Variants in PPT1 observed in about 807,000 individuals in gnomAD.
PPT1 encodes the protein palmitoyl-protein thioesterase 1, also known as ceroid-palmitoyl-palmitoyl-protein thioesterase 1.
A neutral mutation model predicts 44.0 loss-of-function variants in PPT1; 24 were observed. The observed-to-expected ratio is 0.54, with a 90% CI of 0.39 to 0.77. The LOEUF is 0.77. Among genes scored for constraint, PPT1 ranks in the 30% least tolerant of loss-of-function variants. The pLI is 0.00. For synonymous variants in PPT1, 148 were observed against 140.2 expected (o/e 1.06, Z -0.39); for missense variants, 341 against 378.8 (o/e 0.90, Z 0.83).
rs538271276 is a variant in PPT1, at chr1:40,092,813, C to T, written c.125-306G>A. ...GCATGTGAAATGCAAACCAAAACCA[C>T]GATGAGATACCATTTCACACAGACT... On this transcript the variant is annotated intron_variant, in intron 1 of 8. Transcript: ENST00000642050. 2.2e-4 allele frequency among the ~76,000 whole-genome samples: 27 copies of T among 125,208 alleles called. No homozygotes were observed. In the South Asian group the frequency reaches 4.5e-3, roughly 21 times the overall value. 82.1% of individuals were successfully genotyped at this position (125,208 alleles called of 152,430 possible). A position where few individuals can be genotyped will look rare whatever the true frequency, so the allele number is the denominator to read the frequency against.
intron 8 of PPT1, among the ~76,000 whole-genome samples, chr1:40,074,446 CCTCTCT>C (rs552038903): frequency 9.0e-6 from 1 of 111,280 alleles, no homozygotes; most frequent in African/African-American, 3.6e-5. Context: ...TCTTCTTCTT[CCTCTCT>C]CTCTCTCTGT....
rs1343334003 is a variant in PPT1, at chr1:40,091,319, G to A, written c.433+10C>T. 6.2e-7 allele frequency: 1 copy of A among 1,612,348 alleles called. No homozygotes were observed. Among genetic ancestry groups the A allele is most frequent in the Non-Finnish European group, 8.5e-7 (1 of 1,178,556 alleles). ...AATACAGAAAAAAGAAAGCAAAGAG[G>A]CAAAGTTACCTTGATGTTGTCCCCC... On this transcript the variant is annotated intron_variant, in intron 4 of 8. Transcript: ENST00000642050.
chr1:40,095,339 C>T (rs998721285), intron 1 of PPT1, among the ~76,000 whole-genome samples: 5 of 152,156 alleles, frequency 3.3e-5, no homozygotes, highest in Non-Finnish European at 7.3e-5. Flanking sequence ...GCTTAGTCCT[C>T]TGTGTACGCT....
rs1225903133 is a variant in PPT1 at position 40,097,095 on chromosome 1, T to C, written c.124+20A>G. The C allele has an allele frequency of 6.2e-7, 1 of 1,613,864 alleles. No individual in the cohort carries two copies. Among genetic ancestry groups the C allele is most frequent in the South Asian group, 1.1e-5 (1 of 91,084 alleles). On this transcript the variant is annotated intron_variant, in intron 1 of 8. Coordinates refer to ENST00000642050, the MANE Select transcript of PPT1 (RefSeq NM_000310.4). ...AAGAGAGAGAATCGCCAAACCCTTT[T>C]AAATTTCTCACTCACTCACCCATCC...
chr1:40,071,885 T>A (rs970677497), downstream of PPT1: 1 of 438,688 alleles, frequency 2.3e-6, no homozygotes. Flanking sequence ...TCCCTGGAAT[T>A]AACAGATCAG....
intron 1 of PPT1, among the ~76,000 whole-genome samples, chr1:40,094,740 G>A (rs1649756094): frequency 6.6e-6 from 1 of 152,156 alleles, no homozygotes; most frequent in South Asian, 2.1e-4. Flanking sequence ...GAAAGCTTAA[G>A]CACCAATTTT....
Position 40,092,339 on chromosome 1 carries a change from A to G in PPT1, c.234+59T>C. ...AAAACACAAGGCAAAGCATTTTAAC[A>G]GTATATGCTATGAAATCAGTCAGCA... On this transcript the variant is annotated intron_variant, in intron 2 of 8. Coordinates refer to ENST00000642050, the MANE Select transcript of PPT1 (RefSeq NM_000310.4). 3.9e-6 allele frequency: 6 copies of G among 1,521,252 alleles called. No homozygotes were observed. The East Asian group carries it at 1.1e-4, about 29-fold the overall frequency. The allele number at this position is 1,521,252 out of a possible 1,614,324, so 94.2% of individuals were successfully genotyped here.
chr1:40,078,267 G>A (rs1027160418), intron 7 of PPT1, among the ~76,000 whole-genome samples: 8 of 152,164 alleles, frequency 5.3e-5, no homozygotes, highest in African/African-American at 1.7e-4. Context: ...GCACGATCTT[G>A]GCTCACTGCA....
rs1649443994 is a variant in PPT1 at position 40,089,525 on chromosome 1, A to AT, written c.434-14dup. The stretch of plus-strand genomic sequence containing the variant: ...AGTCCAAAAACACCTACAGTGGTAG[A>AT]TGACAAATATCCACTCCTTCAATAA... On this transcript the variant is annotated splice_polypyrimidine_tract_variant and intron_variant, in intron 4 of 8. Coordinates refer to ENST00000642050, the MANE Select transcript of PPT1 (RefSeq NM_000310.4). 3.2e-6 allele frequency: 5 copies of AT among 1,573,444 alleles called. No homozygotes were observed. The highest frequency in any genetic ancestry group is 4.4e-6 in the Non-Finnish European group (5 of 1,142,938).
chr1:40,071,743 G>A (rs1648080575), downstream of PPT1: 3 of 559,258 alleles, frequency 5.4e-6, no homozygotes, highest in East Asian at 8.6e-5. Context: ...GGAAGGTGCA[G>A]CTTTTCCATA....
In PPT1 at chr1:40,092,305, C is replaced by T. The variant is rs1649609763; in HGVS notation, c.234+93G>A. Reference sequence around the variant, plus strand: ...AAGGGTGAAAGTATCACTGTATGATCTGCTGCTGAAAACACAAGGCAAAGC... The same window carrying T: ...AAGGGTGAAAGTATCACTGTATGATTTGCTGCTGAAAACACAAGGCAAAGC... On this transcript the variant is annotated intron_variant, in intron 2 of 8. Transcript: ENST00000642050. 3.3e-6 allele frequency: 5 copies of T among 1,528,284 alleles called. No homozygotes were observed. The Admixed American group carries it at 5.0e-5, about 15-fold the overall frequency. The allele number at this position is 1,528,284 out of a possible 1,614,324, so 94.7% of individuals were successfully genotyped here.
intron 6 of PPT1, chr1:40,078,885 AGT>A (rs1252978226): frequency 2.0e-6 from 1 of 507,862 alleles, no homozygotes; most frequent in Non-Finnish European, 3.8e-6. Context: ...GTACATGTGT[AGT>A]TTTGTTATAA....
rs11345893 is a variant in PPT1 at position 40,093,883 on chromosome 1, C to CAAAAAAA, written c.125-1383_125-1377dup. 1.8e-5 allele frequency: 8 copies of CAAAAAAA among 449,962 alleles called. No individual in the cohort carries two copies. In the African/African-American group the frequency reaches 2.4e-4, roughly 13 times the overall value. The allele number at this position is 449,962 out of a possible 1,614,324, so 27.9% of individuals were successfully genotyped here. ...TGGGCAACAGAACAAGGCTCCATCT[C>CAAAAAAA]AAAAAAAAAAAAAAAAAAAAATCCA... On this transcript the variant is annotated intron_variant, in intron 1 of 8. Coordinates refer to ENST00000642050, the MANE Select transcript of PPT1 (RefSeq NM_000310.4).
intron 8 of PPT1, among the ~76,000 whole-genome samples, chr1:40,074,419 C>G (rs1360600586): frequency 1.6e-5 from 2 of 123,148 alleles, no homozygotes; most frequent in African/African-American, 6.8e-5. Context: ...CCCCCTCCTC[C>G]TGTCCCCCCC....
rs1273643239 is a variant in PPT1, at chr1:40,097,090, C to T, written c.124+25G>A. On this transcript the variant is annotated intron_variant, in intron 1 of 8. Coordinates refer to ENST00000642050, the MANE Select transcript of PPT1 (RefSeq NM_000310.4). ...CTAGGAAGAGAGAGAATCGCCAAACCCTTTTAAATTTCTCACTCACTCACC... is the reference window on the plus strand; with the variant it reads ...CTAGGAAGAGAGAGAATCGCCAAACTCTTTTAAATTTCTCACTCACTCACC... 15 of 1,613,882 alleles carry T rather than the reference C, an allele frequency of 9.3e-6. No homozygotes were observed. In the East Asian group the frequency reaches 2.4e-4, roughly 26 times the overall value.
chr1:40,088,057 G>T (rs1424620580), intron 5 of PPT1, among the ~76,000 whole-genome samples: 1 of 151,810 alleles, frequency 6.6e-6, no homozygotes, highest in Non-Finnish European at 1.5e-5. Flanking sequence ...TATTTGACAA[G>T]AATGAGACAC....
Position 40,089,464 on chromosome 1 carries a change from TCA to T in PPT1, c.480_481del (p.Cys160Ter). ...AGCATTCAGTGTTTTTCGGATGAAG[TCA>T]CAGATGTGAGAGCTCTCTCCTGGGC... is the stretch of plus-strand genomic sequence containing the variant. On this transcript the variant is annotated stop_gained and frameshift_variant, in exon 5 of 9. Transcript: ENST00000642050. LOFTEE classifies it high-confidence loss of function. 1 of 1,614,038 alleles carries T rather than the reference TCA, an allele frequency of 6.2e-7. No homozygotes were observed. The highest frequency in any genetic ancestry group is 8.5e-7 in the Non-Finnish European group (1 of 1,180,000).
At chr1:40,091,453 C>T (rs1570469570) in intron 3 of PPT1, 54 bp from the exon 4 acceptor site, 1 of 1,461,100 alleles carries the variant, frequency 6.8e-7, no homozygotes, top group Non-Finnish European at 9.5e-7. Context: ...ATGTATCATC[C>T]ACAATCAGCA....
intron 8 of PPT1, chr1:40,076,617 G>A: frequency 7.3e-7 from 1 of 1,372,678 alleles, no homozygotes; most frequent in Non-Finnish European, 9.4e-7. Flanking sequence ...AAACCATAAG[G>A]TTTCAGGATG....
Sources: allele counts gnomAD v4.1 joint callset (sites outside exome capture counted in the v4.1 genomes callset), GRCh38; gene constraint gnomAD v4.1.1; transcripts MANE v1.5; gene names NCBI Gene and HGNC (gene_info 2026-07-23, HGNC 2026-07-21).